LIPH: variants seen among roughly 807,000 people sequenced by gnomAD.
LIPH encodes the protein lipase member H.
A neutral mutation model predicts 47.6 loss-of-function variants in LIPH; 32 were observed. That is an observed-to-expected ratio of 0.67 (90% CI 0.51 to 0.90). LIPH has a LOEUF of 0.90. Ranked by LOEUF, LIPH falls within the 40% of genes least tolerant of loss-of-function variation. The pLI, the probability that LIPH is intolerant of heterozygous loss-of-function variation, is 0.00. For missense variants in LIPH, 497 were observed against 541.4 expected (o/e 0.92, Z 0.81); for synonymous variants, 190 against 195.6 (o/e 0.97, Z 0.24).
intron 3 of LIPH, among the ~76,000 whole-genome samples, chr3:185,530,372 G>A (rs373400637): frequency 2.5e-4 from 38 of 152,182 alleles, no homozygotes; most frequent in African/African-American, 1.2e-4. Flanking sequence ...CAGCTACTCG[G>A]GAGGCTGAGG....
chr3:185,524,168 A>G lies in LIPH; in HGVS notation c.629-8T>C. Reference sequence around the variant, plus strand: ...GCTCCTTGTAGCCCAGTGCTAAAAGAGAACACATTCTGCTTTTATACTCCT... The same window carrying G: ...GCTCCTTGTAGCCCAGTGCTAAAAGGGAACACATTCTGCTTTTATACTCCT... On this transcript the variant is annotated splice_polypyrimidine_tract_variant and splice_region_variant and intron_variant, in intron 4 of 9. Transcript: ENST00000296252. 6.5e-7 allele frequency: 1 copy of G among 1,549,838 alleles called. No individual in the cohort carries two copies. Among genetic ancestry groups the G allele is most frequent in the Non-Finnish European group, 8.9e-7 (1 of 1,121,402 alleles).
intron 1 of LIPH, among the ~76,000 whole-genome samples, chr3:185,542,814 G>A (rs534321319): frequency 3.2e-4 from 48 of 152,254 alleles, no homozygotes; most frequent in African/African-American, 1.1e-3. Flanking sequence ...CATCTCTTTT[G>A]CAGCAACATG....
chr3:185,535,072 GT>G lies in LIPH; in HGVS notation c.109del (p.Thr37ArgfsTer3), dbSNP rs757947698. 1.9e-6 allele frequency: 3 copies of G among 1,613,934 alleles called. No individual in the cohort carries two copies. The South Asian group carries it at 3.3e-5, about 18-fold the overall frequency. ...GAGCATCAGCCTCACATTTAGTCCC[GT>G]ACCAACCACTGCACTGTGAAAGCTC... The part of the protein sequence containing the change: ...RLSFHSAVVG[T>X]GLNVRLMLYT... On this transcript the variant is annotated frameshift_variant, in exon 2 of 10. Coordinates refer to ENST00000296252, the MANE Select transcript of LIPH (RefSeq NM_139248.3).
At chr3:185,552,285 C>A in intron 1 of LIPH, 138 bp downstream of exon 1, 1 of 537,462 alleles carries the variant, frequency 1.9e-6, no homozygotes, top group Admixed American at 3.2e-5. Context: ...ATGATACAGG[C>A]TTCCTATATC....
intron 8 of LIPH, 30 bp downstream of exon 8, chr3:185,514,380 C>T (rs748481180): frequency 8.9e-6 from 8 of 902,152 alleles, no homozygotes; most frequent in East Asian, 7.2e-5. Context: ...AGGGAAATAG[C>T]GCACTGCAAA....
intron 3 of LIPH, among the ~76,000 whole-genome samples, chr3:185,529,976 A>AAGAAAGAAAGAG (rs796155621): frequency 1.3e-4 from 14 of 104,880 alleles, no homozygotes; most frequent in African/African-American, 2.1e-4. Flanking sequence ...GAAAGAAAGA[A>AAGAAAGAAAGAG]AGAGAGAGAG....
intron 5 of LIPH, among the ~76,000 whole-genome samples, chr3:185,522,669 AGAAAGAAAGAAAGAAAGAAAG>A (rs1164442291): frequency 1.2e-5 from 1 of 85,594 alleles, no homozygotes; most frequent in African/African-American, 7.5e-5. Flanking sequence ...AAAGAAAGAA[AGAAAGAAAGAAAGAAAGAAAG>A]AAAGAAAGAA....
At chr3:185,514,383 A>C (rs1719661160) in intron 8 of LIPH, 27 bp downstream of exon 8, 1 of 955,916 alleles carries the variant, frequency 1.0e-6, no homozygotes, top group East Asian at 2.4e-5. Flanking sequence ...GAAATAGCGC[A>C]CTGCAAACAA....
chr3:185,543,888 TCCCCCAGGCTG>T (rs1284119164), intron 1 of LIPH, among the ~76,000 whole-genome samples: 1 of 102,416 alleles, frequency 9.8e-6, no homozygotes, highest in Non-Finnish European at 1.9e-5. Context: ...CTCACTCTTG[TCCCCCAGGCTG>T]GAGTGCAATG....
At chr3:185,538,153 C>A (rs1404805333) in intron 1 of LIPH, among the ~76,000 whole-genome samples, 1 of 151,980 alleles carries the variant, frequency 6.6e-6, no homozygotes, top group Non-Finnish European at 1.5e-5. Flanking sequence ...TGGTACTGTC[C>A]CCCGGAGAAG....
At chr3:185,525,665 T>C (rs1333169866) in intron 4 of LIPH, among the ~76,000 whole-genome samples, 1 of 152,126 alleles carries the variant, frequency 6.6e-6, no homozygotes, top group Non-Finnish European at 1.5e-5. Context: ...CATGACATCA[T>C]TAGAAAGGGC....
intron 1 of LIPH, among the ~76,000 whole-genome samples, chr3:185,548,181 C>T (rs1014569749): frequency 1.5e-4 from 23 of 151,662 alleles, no homozygotes; most frequent in African/African-American, 5.1e-4. Context: ...CCGAGGCGGG[C>T]GAATCACCAG....
rs770837697 is a variant in LIPH at position 185,519,151 on chromosome 3, G to A, written c.877C>T (p.Pro293Ser). 4 of 1,613,982 alleles carry A rather than the reference G, an allele frequency of 2.5e-6. No homozygotes were observed. Among genetic ancestry groups the A allele is most frequent in the Non-Finnish European group, 1.7e-6 (2 of 1,179,848 alleles). The change falls in exon 6 of 10, where the codon CCC becomes TCC. Residue 293 changes from proline to serine, a missense_variant. By Grantham distance (74) the Pro-to-Ser change is moderately conservative. Transcript: ENST00000296252. The stretch of plus-strand genomic sequence containing the variant: ...TGCTGGTTAGACTTACCCAGAAGGG[G>A]ACAGGACTCTTTTTGTGACGTGCCG... ...SCGTSQKESC[P>S]LLGYYADNWK...
At position 185,511,801 on chromosome 3, in the gene LIPH, A is replaced by G. The variant is rs1719575399; in HGVS notation, c.1095-104T>C. 6.4e-6 allele frequency: 5 copies of G among 783,738 alleles called. No individual in the cohort carries two copies. In the Admixed American group the frequency reaches 9.8e-5, roughly 15 times the overall value. The allele number at this position is 783,738 out of a possible 1,614,324, so 48.5% of individuals were successfully genotyped here. Reference sequence around the variant, plus strand: ...GGTAAGCTGGTAACTATTTCACCCCATAGCCTGCACCAGCTGACTTTTTTT... The same window carrying G: ...GGTAAGCTGGTAACTATTTCACCCCGTAGCCTGCACCAGCTGACTTTTTTT... On this transcript the variant is annotated intron_variant, in intron 8 of 9. Coordinates refer to ENST00000296252, the MANE Select transcript of LIPH (RefSeq NM_139248.3).
chr3:185,527,090 T>A (rs1021461531), intron 4 of LIPH, among the ~76,000 whole-genome samples: 3 of 151,940 alleles, frequency 2.0e-5, no homozygotes, highest in African/African-American at 7.3e-5. Context: ...ATACAAAAAA[T>A]TAGCCAGGCG....
intron 4 of LIPH, among the ~76,000 whole-genome samples, chr3:185,525,074 G>A (rs1720026816): frequency 6.6e-6 from 1 of 151,958 alleles, no homozygotes; most frequent in Non-Finnish European, 1.5e-5. Flanking sequence ...AATTAGCCAG[G>A]CATTGTGGTG....
intron 4 of LIPH, among the ~76,000 whole-genome samples, chr3:185,527,063 C>T (rs1412762381): frequency 6.6e-6 from 1 of 152,024 alleles, no homozygotes; most frequent in Non-Finnish European, 1.5e-5. Context: ...CACGGTGAAA[C>T]CCCGTCTCTA....
intron 1 of LIPH, among the ~76,000 whole-genome samples, chr3:185,548,172 C>A (rs571941795): frequency 6.6e-6 from 1 of 152,024 alleles, no homozygotes; most frequent in African/African-American, 2.4e-5. Flanking sequence ...GTTGGGAGGC[C>A]GAGGCGGGCG....
intron 5 of LIPH, among the ~76,000 whole-genome samples, chr3:185,521,300 C>T (rs1350636643): frequency 3.9e-5 from 6 of 152,212 alleles, no homozygotes; most frequent in Admixed American, 3.9e-4. Context: ...CTGAACTGTT[C>T]TCCTTTAGTT....
Sources: gnomAD v4.1 joint callset for allele counts (sites outside exome capture counted in the v4.1 genomes callset) on GRCh38, gnomAD v4.1.1 for gene constraint, MANE v1.5 for transcripts, NCBI Gene and HGNC (gene_info 2026-07-23, HGNC 2026-07-21) for gene names.